The following PHKB variants were observed in gnomAD, a reference collection of about 807,000 sequenced individuals.
PHKB encodes phosphorylase kinase regulatory subunit beta.
A neutral mutation model predicts 152.1 loss-of-function variants in PHKB; 122 were observed. That is an observed-to-expected ratio of 0.80 (90% CI 0.69 to 0.93). PHKB has a LOEUF of 0.93. PHKB is among the 40% of genes least tolerant of loss of function. PHKB has a pLI of 0.00. For missense variants in PHKB, 1,304 were observed against 1,328.4 expected, an observed-to-expected ratio of 0.98 and a Z score of 0.29; for synonymous variants, 436 against 464.9, an observed-to-expected ratio of 0.94 and a Z score of 0.80.
intron 14 of PHKB, among the ~76,000 whole-genome samples, chr16:47,626,936 C>T (rs184095884): frequency 4.6e-5 from 7 of 152,248 alleles, no homozygotes; most frequent in Admixed American, 2.6e-4. Context: ...GAACAGATCC[C>T]GTTGGTACAA....
chr16:47,518,564 C>G (rs1048991348), intron 6 of PHKB, among the ~76,000 whole-genome samples: 1 of 152,076 alleles, frequency 6.6e-6, no homozygotes, highest in Non-Finnish European at 1.5e-5. Context: ...TGCTAATTTT[C>G]TAACATCTTT....
At position 47,484,947 on chromosome 16, in the gene PHKB, G is replaced by A. The variant is rs182835955; in HGVS notation, c.77-12452G>A. Among the ~76,000 whole-genome samples, 10 of 152,180 alleles carry A rather than the reference G, an allele frequency of 6.6e-5. No homozygotes were observed. The East Asian group carries it at 1.2e-3, about 18-fold the overall frequency. ...CCTAGTGGTAATCATTTTTAACAAT[G>A]TGGTGTGTATCCTTCTAGGCATTTT... On this transcript the variant is annotated intron_variant, in intron 1 of 30. Transcript: ENST00000323584.
chr16:47,679,063 C>T (rs1973794581), intron 26 of PHKB, among the ~76,000 whole-genome samples: 1 of 152,072 alleles, frequency 6.6e-6, no homozygotes, highest in Admixed American at 6.6e-5. Flanking sequence ...TCAGGTTTGT[C>T]AAAGATCAGA....
intron 6 of PHKB, among the ~76,000 whole-genome samples, chr16:47,526,022 TGA>T (rs1249587396): frequency 4.6e-5 from 7 of 152,122 alleles, no homozygotes; most frequent in African/African-American, 1.7e-4. Context: ...TGGTCCAGTG[TGA>T]GAGCTAATCC....
intron 25 of PHKB, among the ~76,000 whole-genome samples, chr16:47,667,268 A>C (rs1490162411): frequency 1.3e-5 from 2 of 151,358 alleles, no homozygotes; most frequent in Non-Finnish European, 2.9e-5. Context: ...CTATCTCTGC[A>C]AAAAAAAGAA....
At chr16:47,461,510 G>A (rs1258936188) in intron 1 of PHKB, 84 bp downstream of exon 1, 2 of 1,412,636 alleles carry the variant, frequency 1.4e-6, no homozygotes. Context: ...GGCAGGTGGG[G>A]GCCCTGGGAA....
At chr16:47,554,867 G>A (rs1466276994) in intron 7 of PHKB, among the ~76,000 whole-genome samples, 1 of 152,158 alleles carries the variant, frequency 6.6e-6, no homozygotes, top group Non-Finnish European at 1.5e-5. Context: ...ACCAGTCCCA[G>A]TGAGATGAGC....
chr16:47,493,438 A>T (rs1567278157), intron 1 of PHKB, among the ~76,000 whole-genome samples: 1 of 152,220 alleles, frequency 6.6e-6, no homozygotes, highest in Non-Finnish European at 1.5e-5. Context: ...TAAAATTGAG[A>T]GTACAGATAA....
At position 47,491,306 on chromosome 16, in the gene PHKB, C is replaced by A. The variant is rs568111747; in HGVS notation, c.77-6093C>A. On this transcript the variant is annotated intron_variant, in intron 1 of 30. Transcript: ENST00000323584. ...CTATGTCTATATGTCAATTGCCTTA[C>A]CAGTTGTGAAGCAAGCAAGTCAAAT... Among the ~76,000 whole-genome samples the A allele has an allele frequency of 2.0e-4, 31 of 152,242 alleles. No homozygotes were observed. In the South Asian group the frequency reaches 6.4e-3, roughly 32 times the overall value.
intron 16 of PHKB, among the ~76,000 whole-genome samples, chr16:47,643,440 G>C (rs987872745): frequency 2.6e-5 from 4 of 152,228 alleles, no homozygotes; most frequent in African/African-American, 9.6e-5. Flanking sequence ...ACTTACAACA[G>C]TTCCTGGCTT....
At chr16:47,644,073 A>G (rs2151727786) in intron 16 of PHKB, among the ~76,000 whole-genome samples, 1 of 152,252 alleles carries the variant, frequency 6.6e-6, no homozygotes, top group Middle Eastern at 3.4e-3. Flanking sequence ...CATGGTTCAG[A>G]AAGTTGAGAA....
chr16:47,475,318 C>T (rs545834717), intron 1 of PHKB, among the ~76,000 whole-genome samples: 4 of 152,152 alleles, frequency 2.6e-5, no homozygotes, highest in Admixed American at 2.6e-4. Flanking sequence ...GAAGTTGGGA[C>T]ATCTCAAGTT....
chr16:47,492,382 GA>G (rs530115726), intron 1 of PHKB, among the ~76,000 whole-genome samples: 4 of 151,646 alleles, frequency 2.6e-5, no homozygotes, highest in Admixed American at 6.6e-5. Context: ...CTTCTAAAAG[GA>G]AAAAAAAGCT....
intron 7 of PHKB, among the ~76,000 whole-genome samples, chr16:47,567,453 G>T (rs1247034079): frequency 1.3e-5 from 2 of 152,122 alleles, no homozygotes; most frequent in African/African-American, 4.8e-5. Context: ...AGTCTTTAGA[G>T]TTTTCTAGGT....
chr16:47,602,414 T>A (rs971892398), intron 13 of PHKB, among the ~76,000 whole-genome samples: 1 of 152,180 alleles, frequency 6.6e-6, no homozygotes, highest in Non-Finnish European at 1.5e-5. Context: ...AGCCAATTTA[T>A]TTTTCCTGTA....
At chr16:47,535,612 A>T (rs1324820032) in intron 6 of PHKB, among the ~76,000 whole-genome samples, 1 of 152,212 alleles carries the variant, frequency 6.6e-6, no homozygotes, top group Non-Finnish European at 1.5e-5. Flanking sequence ...ACTGTATTTT[A>T]TACAATATAA....
At chr16:47,465,787 T>C (rs1056313849) in intron 1 of PHKB, among the ~76,000 whole-genome samples, 1 of 152,236 alleles carries the variant, frequency 6.6e-6, no homozygotes, top group Non-Finnish European at 1.5e-5. Flanking sequence ...ATACTCCATT[T>C]ATATTGGAAA....
rs115576009 is a variant in PHKB, at chr16:47,616,309, G to A, written c.1458+5389G>A. Reference sequence around the variant, plus strand: ...TCTAAGAATTTTATAGTTTTAGCTCGTATACTTAGACCTGTGATCCATTCT... The same window carrying A: ...TCTAAGAATTTTATAGTTTTAGCTCATATACTTAGACCTGTGATCCATTCT... On this transcript the variant is annotated intron_variant, in intron 14 of 30. Coordinates refer to ENST00000323584, the MANE Select transcript of PHKB (RefSeq NM_000293.3). Among the ~76,000 whole-genome samples, 361 of 151,580 alleles carry A rather than the reference G, an allele frequency of 2.4e-3. 1 individual carries two copies. Among genetic ancestry groups the A allele is most frequent in the African/African-American group, 7.8e-3 (321 of 41,406 alleles).
At chr16:47,491,640 A>G (rs1200397750) in intron 1 of PHKB, among the ~76,000 whole-genome samples, 5 of 152,104 alleles carry the variant, frequency 3.3e-5, no homozygotes, top group African/African-American at 7.2e-5. Flanking sequence ...CTAGAAGAAG[A>G]TTCAGTAGTT....
Sources: gnomAD v4.1 joint callset for allele counts (sites outside exome capture counted in the v4.1 genomes callset) on GRCh38, gnomAD v4.1.1 for gene constraint, MANE v1.5 for transcripts, NCBI Gene and HGNC (gene_info 2026-07-23, HGNC 2026-07-21) for gene names.